The following PTK2 variants were observed in gnomAD, a reference collection of about 807,000 sequenced individuals.
PTK2 encodes the protein protein tyrosine kinase 2, also known as focal adhesion kinase 1.
Under a neutral mutation model 150.1 loss-of-function variants are expected in PTK2, and 45 were observed. The ratio of observed to expected loss-of-function variants is 0.30; its 90% CI spans 0.24 to 0.38. The LOEUF (loss-of-function observed/expected upper bound fraction) is 0.38, where lower values mean the gene tolerates loss of function less well. Ranked by LOEUF, PTK2 falls within the 10% of genes least tolerant of loss-of-function variation. The pLI is 1.00. For synonymous variants in PTK2, 432 were observed against 449.2 expected (o/e 0.96, Z 0.48); for missense variants, 919 against 1,307.3 (o/e 0.70, Z 4.58).
chr8:140,975,919 T>G lies in PTK2; in HGVS notation c.-122+25206A>C, dbSNP rs145773586. Among the ~76,000 whole-genome samples, 15 of 152,330 alleles carry G rather than the reference T, an allele frequency of 9.8e-5. No homozygotes were observed. The East Asian group carries it at 2.9e-3, about 29-fold the overall frequency. On this transcript the variant is annotated intron_variant, in intron 1 of 31. Transcript: ENST00000522684. ...ATGGCGAACAAATGAATTAACTGAA[T>G]GAACCAGCTCAAGAACTGGTGAAAT...
Position 140,700,334 on chromosome 8 carries a change from AT to A in PTK2, c.2499+556del, listed in dbSNP as rs938491733. ...AGGTGTGAGCCACAATGCCTGGCTAATTTTTTTTTTTATTTTTTGTAGAGAC... is the reference window on the plus strand; with the variant it reads ...AGGTGTGAGCCACAATGCCTGGCTAATTTTTTTTTTATTTTTTGTAGAGAC... On this transcript the variant is annotated intron_variant, in intron 26 of 31. Coordinates refer to ENST00000522684, the Ensembl canonical transcript of PTK2. 7.2e-3 allele frequency among the ~76,000 whole-genome samples: 1,069 copies of A among 148,142 alleles called. 16 individuals carry two copies. The highest frequency in any genetic ancestry group is 0.024 in the African/African-American group (985 of 40,694).
At chr8:140,708,776 A>G (rs1282541878) in intron 23 of PTK2, among the ~76,000 whole-genome samples, 1 of 152,192 alleles carries the variant, frequency 6.6e-6, no homozygotes, top group Non-Finnish European at 1.5e-5. Flanking sequence ...AGGTTAAAAA[A>G]AAGAGTTCGG....
intron 26 of PTK2, among the ~76,000 whole-genome samples, chr8:140,699,958 T>C (rs773215999): frequency 6.6e-6 from 1 of 152,068 alleles, no homozygotes; most frequent in African/African-American, 2.4e-5. Flanking sequence ...GTGCTGAAAA[T>C]GTTAAGTGTG....
At chr8:140,843,342 G>A (rs1272021423) in intron 7 of PTK2, among the ~76,000 whole-genome samples, 1 of 152,022 alleles carries the variant, frequency 6.6e-6, no homozygotes, top group African/African-American at 2.4e-5. Flanking sequence ...CTCTCTTCCT[G>A]TAACTCTGTA....
At chr8:140,803,770 G>T in intron 10 of PTK2, 120 bp from the exon 11 acceptor site, 1 of 901,862 alleles carries the variant, frequency 1.1e-6, no homozygotes, top group South Asian at 1.5e-5. Context: ...CTGGAGGTCT[G>T]GGGAAAAAAA....
At chr8:140,960,872 C>T (rs1000772470) in intron 1 of PTK2, among the ~76,000 whole-genome samples, 3 of 151,814 alleles carry the variant, frequency 2.0e-5, no homozygotes, top group Non-Finnish European at 2.9e-5. Flanking sequence ...CCCAGCCACT[C>T]GGGAGGCTGA....
chr8:140,877,558 G>C (rs934540210), intron 4 of PTK2, among the ~76,000 whole-genome samples: 1 of 152,122 alleles, frequency 6.6e-6, no homozygotes, highest in Non-Finnish European at 1.5e-5. Context: ...TTTGGGGACA[G>C]TTAAATGAAA....
intron 14 of PTK2, among the ~76,000 whole-genome samples, chr8:140,775,851 C>A (rs761430586): frequency 1.3e-5 from 2 of 152,166 alleles, no homozygotes; most frequent in Non-Finnish European, 2.9e-5. Flanking sequence ...CATTTAGCTG[C>A]TTATTTTGAA....
intron 8 of PTK2, among the ~76,000 whole-genome samples, chr8:140,823,578 T>C (rs2100110148): frequency 6.6e-6 from 1 of 152,108 alleles, no homozygotes; most frequent in Admixed American, 6.5e-5. Context: ...ATTTCAGCCG[T>C]GGTGGCTTAT....
chr8:140,970,336 T>C (rs1346630573), intron 1 of PTK2, among the ~76,000 whole-genome samples: 1 of 152,266 alleles, frequency 6.6e-6, no homozygotes, highest in Non-Finnish European at 1.5e-5. Flanking sequence ...TTCTAGATCC[T>C]CAGAGAAGTG....
At chr8:140,820,091 TTTTTTTTTTTTTTTTTTTTTTTTTTTTA>T (rs1483104897) in intron 8 of PTK2, among the ~76,000 whole-genome samples, 52 of 62,064 alleles carry the variant, frequency 8.4e-4, no homozygotes, top group East Asian at 3.9e-3. Context: ...TTTTTTTTTT[TTTTTTTTTTTTTTTTTTTTTTTTTTTTA>T]AATAGGGTCT....
At chr8:140,994,424 T>C (rs2100196859) in intron 1 of PTK2, among the ~76,000 whole-genome samples, 2 of 152,266 alleles carry the variant, frequency 1.3e-5, no homozygotes, top group Non-Finnish European at 2.9e-5. Flanking sequence ...TGTGCTCACT[T>C]TGAGTCTCTG....
chr8:140,797,086 C>T (rs2100092050), intron 12 of PTK2, among the ~76,000 whole-genome samples: 2 of 152,164 alleles, frequency 1.3e-5, no homozygotes, highest in Non-Finnish European at 2.9e-5. Flanking sequence ...GGGCAGAGTA[C>T]TCCTAAACTG....
intron 1 of PTK2, among the ~76,000 whole-genome samples, chr8:140,933,591 C>T (rs1446193636): frequency 1.3e-5 from 2 of 152,194 alleles, no homozygotes; most frequent in African/African-American, 2.4e-5. Flanking sequence ...AGTACTGATA[C>T]ATGCTACAAC....
At chr8:140,730,720 C>T (rs916192120) in intron 22 of PTK2, among the ~76,000 whole-genome samples, 2 of 152,000 alleles carry the variant, frequency 1.3e-5, no homozygotes, top group African/African-American at 4.8e-5. Context: ...CCTAATTTGC[C>T]TAAAATATAT....
chr8:140,833,164 G>A, intron 7 of PTK2: 1 of 421,638 alleles, frequency 2.4e-6, no homozygotes, highest in Non-Finnish European at 4.6e-6. Context: ...CAAAGGTGAA[G>A]ACAACTCCAT....
At chr8:140,850,473 C>G (rs1247416260) in intron 5 of PTK2, among the ~76,000 whole-genome samples, 1 of 150,770 alleles carries the variant, frequency 6.6e-6, no homozygotes, top group East Asian at 2.0e-4. Context: ...TGTCTGTAAT[C>G]CCAGCACTCT....
At position 140,934,884 on chromosome 8, in the gene PTK2, G is replaced by T. The variant is rs933784009; in HGVS notation, c.-121-9135C>A. 2.0e-5 allele frequency among the ~76,000 whole-genome samples: 3 copies of T among 151,674 alleles called. No homozygotes were observed. In the East Asian group the frequency reaches 5.8e-4, roughly 29 times the overall value. On this transcript the variant is annotated intron_variant, in intron 1 of 31. Coordinates refer to ENST00000522684, the Ensembl canonical transcript of PTK2. ...CTAGCAAGATGTTTTCTTTTCTGTA[G>T]GGAAAAGAAAGAGATATCAAAATGG...
chr8:140,707,916 G>T (rs948794783), intron 23 of PTK2, among the ~76,000 whole-genome samples: 1 of 152,150 alleles, frequency 6.6e-6, no homozygotes, highest in Non-Finnish European at 1.5e-5. Flanking sequence ...ATCAAGTGAC[G>T]AAACTGACTG....
Sources: gnomAD v4.1 joint callset for allele counts (sites outside exome capture counted in the v4.1 genomes callset) on GRCh38, gnomAD v4.1.1 for gene constraint, MANE v1.5 for transcripts, NCBI Gene and HGNC (gene_info 2026-07-23, HGNC 2026-07-21) for gene names.